DNAJB14: variants seen among roughly 807,000 people sequenced by gnomAD.
DNAJB14 encodes DnaJ heat shock protein family (Hsp40) member B14.
DNAJB14 carries 22 observed loss-of-function variants against 48.4 expected under a neutral mutation model. That is an observed-to-expected ratio of 0.45 (90% CI 0.32 to 0.65). The LOEUF is 0.65. DNAJB14 is among the 30% of genes least tolerant of loss of function. DNAJB14 has a pLI of 0.03. For synonymous variants in DNAJB14, 142 were observed against 158.7 expected (o/e 0.89, Z 0.79); for missense variants, 319 against 458.8 (o/e 0.70, Z 2.78).
chr4:99,911,992 T>C (rs948171910), intron 3 of DNAJB14, among the ~76,000 whole-genome samples: 1 of 152,222 alleles, frequency 6.6e-6, no homozygotes, highest in Non-Finnish European at 1.5e-5. Flanking sequence ...ACTCCCATTA[T>C]TGTTGATTGT....
chr4:99,938,178 G>C (rs1726755666), intron 1 of DNAJB14, among the ~76,000 whole-genome samples: 1 of 146,688 alleles, frequency 6.8e-6, no homozygotes, highest in African/African-American at 2.5e-5. Flanking sequence ...TGGGAGGCTG[G>C]AGAATCGCTT....
At position 99,914,110 on chromosome 4, in the gene DNAJB14, C is replaced by A. The variant is rs147484821; in HGVS notation, c.452-5214G>T. On this transcript the variant is annotated intron_variant, in intron 3 of 7. Coordinates refer to ENST00000442697, the MANE Select transcript of DNAJB14 (RefSeq NM_001031723.4). ...AAGAACTAATCTAGCCTCAAGAGAG[C>A]AAGAACTTACTACTGTGAGAACAGC... Among the ~76,000 whole-genome samples, 257 of 152,220 alleles carry A rather than the reference C, an allele frequency of 1.7e-3. 2 individuals are homozygous for A. Among genetic ancestry groups the A allele is most frequent in the African/African-American group, 5.8e-3 (242 of 41,536 alleles).
At chr4:99,903,372 T>A (rs1725360915) in intron 7 of DNAJB14, among the ~76,000 whole-genome samples, 1 of 152,016 alleles carries the variant, frequency 6.6e-6, no homozygotes, top group Non-Finnish European at 1.5e-5. Context: ...GAAAACAGTA[T>A]GCATCTTAAA....
intron 3 of DNAJB14, among the ~76,000 whole-genome samples, chr4:99,917,073 T>G (rs28497573): frequency 0.11 from 16,736 of 152,250 alleles, 1,088 homozygotes; most frequent in East Asian, 0.24. Context: ...AGGCGGAGGT[T>G]GCAGTGAGCA....
chr4:99,905,540 A>C, intron 6 of DNAJB14, 57 bp downstream of exon 6: 2 of 1,349,904 alleles, frequency 1.5e-6, no homozygotes, highest in Non-Finnish European at 2.1e-6. Flanking sequence ...CTTTAAAGGA[A>C]GCTAGGTCAG....
intron 3 of DNAJB14, chr4:99,922,597 A>C (rs1459657580): frequency 6.6e-6 from 1 of 152,194 alleles, no homozygotes. Flanking sequence ...AAATGAAAAA[A>C]CTGGGCAAAG....
At position 99,908,702 on chromosome 4, in the gene DNAJB14, T is replaced by A. The variant is rs1271117842; in HGVS notation, c.637+9A>T. 2 of 1,571,714 alleles carry A rather than the reference T, an allele frequency of 1.3e-6. No homozygotes were observed. Among genetic ancestry groups the A allele is most frequent in the Non-Finnish European group, 8.6e-7 (1 of 1,161,242 alleles). ...ATAAAATATAATATCTATAATTACA[T>A]TAAAATACCTGAAGGAAATCCACCC... On this transcript the variant is annotated intron_variant, in intron 4 of 7. Coordinates refer to ENST00000442697, the MANE Select transcript of DNAJB14 (RefSeq NM_001031723.4).
chr4:99,905,449 T>A (rs552785357), intron 6 of DNAJB14, 148 bp downstream of exon 6: 11 of 555,230 alleles, frequency 2.0e-5, no homozygotes, highest in Middle Eastern at 4.9e-4. Context: ...GTAACTATTT[T>A]AAAAAATTAG....
At chr4:99,944,004 T>C (rs564737944) in intron 1 of DNAJB14, among the ~76,000 whole-genome samples, 1 of 151,920 alleles carries the variant, frequency 6.6e-6, no homozygotes, top group Admixed American at 6.6e-5. Flanking sequence ...AAGGGGTTAA[T>C]ATCCAGAATA....
chr4:99,920,145 T>C (rs1459429599), intron 3 of DNAJB14, among the ~76,000 whole-genome samples: 1 of 152,206 alleles, frequency 6.6e-6, no homozygotes, highest in African/African-American at 2.4e-5. Context: ...AAGCATTAAA[T>C]GTAAAAATGG....
At chr4:99,906,293 A>T in intron 5 of DNAJB14, 1 of 1,077,928 alleles carries the variant, frequency 9.3e-7, no homozygotes, top group Non-Finnish European at 1.3e-6. Flanking sequence ...CTTCATTAGA[A>T]TCATAGAATA....
chr4:99,912,399 C>T (rs557956498), intron 3 of DNAJB14, among the ~76,000 whole-genome samples: 4 of 151,890 alleles, frequency 2.6e-5, no homozygotes, highest in African/African-American at 9.7e-5. Flanking sequence ...TAGAATAAAA[C>T]TTGTTTCTAT....
chr4:99,910,814 T>C (rs1725632259), intron 3 of DNAJB14, among the ~76,000 whole-genome samples: 1 of 152,076 alleles, frequency 6.6e-6, no homozygotes, highest in South Asian at 2.1e-4. Context: ...TTGTCACTTA[T>C]TTCACCAAAA....
intron 1 of DNAJB14, among the ~76,000 whole-genome samples, chr4:99,946,125 T>C (rs1344038554): frequency 1.3e-5 from 2 of 152,170 alleles, no homozygotes; most frequent in East Asian, 1.9e-4. Context: ...AAAGCCTCAC[T>C]GTGGTAAGAC....
In DNAJB14 at chr4:99,923,200, G is replaced by C; in HGVS notation, c.306-15C>G. The C allele has an allele frequency of 1.9e-6, 3 of 1,595,324 alleles. No homozygotes were observed. In the South Asian group the frequency reaches 3.5e-5, roughly 18 times the overall value. Reference sequence around the variant, plus strand: ...ATTTGTTTATGCTGTGAACAAGAGAGTGTGTTATAATGTAAATTTCAAGGA... The same window carrying C: ...ATTTGTTTATGCTGTGAACAAGAGACTGTGTTATAATGTAAATTTCAAGGA... On this transcript the variant is annotated splice_polypyrimidine_tract_variant and intron_variant, in intron 2 of 7. Coordinates refer to ENST00000442697, the MANE Select transcript of DNAJB14 (RefSeq NM_001031723.4).
chr4:99,908,322 T>TA (rs1489998850), intron 4 of DNAJB14, among the ~76,000 whole-genome samples: 1 of 152,152 alleles, frequency 6.6e-6, no homozygotes, highest in African/African-American at 2.4e-5. Context: ...ACTATAATGT[T>TA]ATTGATAAAA....
At chr4:99,923,872 C>T in intron 2 of DNAJB14, 2 of 985,152 alleles carry the variant, frequency 2.0e-6, no homozygotes, top group African/African-American at 3.5e-5. Context: ...TTATCTGTAT[C>T]ACTCTCTGAA....
intron 4 of DNAJB14, among the ~76,000 whole-genome samples, chr4:99,906,864 A>G (rs1725485726): frequency 6.6e-6 from 1 of 152,192 alleles, no homozygotes; most frequent in Non-Finnish European, 1.5e-5. Flanking sequence ...TTCTCTACAC[A>G]CATAGAGGTT....
intron 7 of DNAJB14, among the ~76,000 whole-genome samples, chr4:99,902,508 C>G (rs1463898907): frequency 6.6e-6 from 1 of 152,058 alleles, no homozygotes; most frequent in Non-Finnish European, 1.5e-5. Context: ...AGTTAGAAGT[C>G]AAAGAGGTCA....
Sources: gnomAD v4.1 joint callset for allele counts (sites outside exome capture counted in the v4.1 genomes callset) on GRCh38, gnomAD v4.1.1 for gene constraint, MANE v1.5 for transcripts, NCBI Gene and HGNC (gene_info 2026-07-23, HGNC 2026-07-21) for gene names.